DSCAM: variants seen among roughly 807,000 people sequenced by gnomAD.
DSCAM encodes the protein cell adhesion molecule DSCAM.
DSCAM carries 47 observed loss-of-function variants against 217.7 expected under a neutral mutation model. The observed-to-expected ratio is 0.22, with a 90% confidence interval of 0.17 to 0.28. DSCAM has a LOEUF of 0.28. Ranked by LOEUF, DSCAM falls within the 10% of genes least tolerant of loss-of-function variation. DSCAM has a pLI of 1.00. For synonymous variants in DSCAM, 1,056 were observed against 1,015.3 expected (o/e 1.04, Z -0.76); for missense variants, 2,080 against 2,618.3 (o/e 0.79, Z 4.49).
rs764303958 is a variant in DSCAM, at chr21:40,369,087, A to G, written c.655+12T>C. Reference sequence around the variant, plus strand: ...AGCAGACATAGCAGACAGAGTCTTGATAAGTTTTTACCTGATACAAAAAGT... The same window carrying G: ...AGCAGACATAGCAGACAGAGTCTTGGTAAGTTTTTACCTGATACAAAAAGT... On this transcript the variant is annotated intron_variant, in intron 4 of 32. Transcript: ENST00000400454. 10 of 1,597,750 alleles carry G rather than the reference A, an allele frequency of 6.3e-6. No individual in the cohort carries two copies. The Admixed American group carries it at 6.9e-5, about 11-fold the overall frequency.
intron 1 of DSCAM, among the ~76,000 whole-genome samples, chr21:40,778,822 T>C (rs1248893568): frequency 6.6e-6 from 1 of 151,816 alleles, no homozygotes; most frequent in South Asian, 2.1e-4. Flanking sequence ...GTCGGGGGTT[T>C]GAGACCAACC....
intron 20 of DSCAM, among the ~76,000 whole-genome samples, chr21:40,103,594 G>T (rs1263473941): frequency 6.6e-6 from 1 of 152,036 alleles, no homozygotes; most frequent in Non-Finnish European, 1.5e-5. Context: ...GGCATAGGTT[G>T]AGAGGCCAAC....
At chr21:40,496,722 T>C (rs1247096454) in intron 3 of DSCAM, among the ~76,000 whole-genome samples, 2 of 152,056 alleles carry the variant, frequency 1.3e-5, no homozygotes, top group African/African-American at 2.4e-5. Flanking sequence ...AATAAGAGAA[T>C]ATATTTTCAA....
intron 10 of DSCAM, among the ~76,000 whole-genome samples, chr21:40,290,230 A>AT (rs966922561): frequency 7.2e-5 from 11 of 152,196 alleles, no homozygotes; most frequent in African/African-American, 2.4e-4. Context: ...TGGGAAAAAT[A>AT]TTTTTTAAAA....
chr21:40,545,499 A>T (rs2076574851), intron 3 of DSCAM, among the ~76,000 whole-genome samples: 1 of 152,228 alleles, frequency 6.6e-6, no homozygotes, highest in African/African-American at 2.4e-5. Context: ...TCTGTGCTTT[A>T]ATAGTTTATA....
intron 1 of DSCAM, among the ~76,000 whole-genome samples, chr21:40,777,960 C>G (rs1274489806): frequency 6.6e-6 from 1 of 152,086 alleles, no homozygotes; most frequent in Non-Finnish European, 1.5e-5. Flanking sequence ...TCCAACAGCA[C>G]TAATGAAAGC....
intron 3 of DSCAM, among the ~76,000 whole-genome samples, chr21:40,495,137 T>A (rs570321207): frequency 1.3e-5 from 2 of 152,206 alleles, no homozygotes; most frequent in African/African-American, 4.8e-5. Context: ...GATGGCTTCA[T>A]TGATAAATTC....
intron 11 of DSCAM, chr21:40,212,336 C>T (rs2091193836): frequency 6.5e-6 from 1 of 154,206 alleles, no homozygotes; most frequent in African/African-American, 2.4e-5. Context: ...ACAGAGGCCT[C>T]ACCTTGAGAG....
chr21:40,217,141 A>C (rs73213104), intron 11 of DSCAM, among the ~76,000 whole-genome samples: 10,897 of 152,286 alleles, frequency 0.072, 695 homozygotes, highest in African/African-American at 0.17. Flanking sequence ...TTATATTTGA[A>C]GTCTCAGAAG....
intron 27 of DSCAM, among the ~76,000 whole-genome samples, chr21:40,066,208 T>C (rs2089204623): frequency 6.6e-6 from 1 of 152,248 alleles, no homozygotes; most frequent in Non-Finnish European, 1.5e-5. Context: ...CTTGGCCCTT[T>C]TGGGCACAGT....
At chr21:40,601,543 C>T (rs1030786737) in intron 3 of DSCAM, among the ~76,000 whole-genome samples, 2 of 152,138 alleles carry the variant, frequency 1.3e-5, no homozygotes, top group African/African-American at 4.8e-5. Context: ...ACTTCCAGCA[C>T]AATGTTGAAA....
chr21:40,047,013 T>A (rs1483137185), intron 30 of DSCAM, among the ~76,000 whole-genome samples: 1 of 151,998 alleles, frequency 6.6e-6, no homozygotes, highest in African/African-American at 2.4e-5. Flanking sequence ...ATTTTGTTCA[T>A]AATCTCTTTT....
intron 3 of DSCAM, among the ~76,000 whole-genome samples, chr21:40,529,379 A>C (rs2047776903): frequency 6.6e-6 from 1 of 152,140 alleles, no homozygotes; most frequent in African/African-American, 2.4e-5. Flanking sequence ...GTGGCCGTTA[A>C]ATAGTTTTAC....
intron 3 of DSCAM, among the ~76,000 whole-genome samples, chr21:40,678,158 C>A (rs1008141345): frequency 6.6e-6 from 1 of 152,082 alleles, no homozygotes; most frequent in Admixed American, 6.5e-5. Flanking sequence ...AAAAATAAGT[C>A]TTTGTAATTC....
intron 8 of DSCAM, among the ~76,000 whole-genome samples, chr21:40,313,622 GCTTTAC>G (rs1432004884): frequency 6.6e-6 from 1 of 152,028 alleles, no homozygotes; most frequent in Non-Finnish European, 1.5e-5. Context: ...GTTATTTATT[GCTTTAC>G]TTTGCAGATG....
intron 3 of DSCAM, among the ~76,000 whole-genome samples, chr21:40,481,530 CAAAAAAA>C (rs34586895): frequency 1.7e-5 from 1 of 60,510 alleles, no homozygotes; most frequent in African/African-American, 6.3e-5. Flanking sequence ...ACTCTGTCTC[CAAAAAAA>C]AAAAAAAAAA....
At chr21:40,172,307 T>G (rs941631771) in intron 15 of DSCAM, among the ~76,000 whole-genome samples, 2 of 152,228 alleles carry the variant, frequency 1.3e-5, no homozygotes, top group Non-Finnish European at 2.9e-5. Flanking sequence ...ACTCTGCATT[T>G]CTAAGAAATC....
chr21:40,471,965 C>G (rs1177818944), intron 3 of DSCAM, among the ~76,000 whole-genome samples: 1 of 152,062 alleles, frequency 6.6e-6, no homozygotes, highest in Non-Finnish European at 1.5e-5. Flanking sequence ...CACAACAGGC[C>G]CCGGTGTGTG....
intron 3 of DSCAM, among the ~76,000 whole-genome samples, chr21:40,421,176 G>A (rs1252452326): frequency 6.6e-6 from 1 of 152,168 alleles, no homozygotes; most frequent in Non-Finnish European, 1.5e-5. Flanking sequence ...GAGCCATGGA[G>A]AGGAGCTGGT....
Sources: allele counts gnomAD v4.1 joint callset (sites outside exome capture counted in the v4.1 genomes callset), GRCh38; gene constraint gnomAD v4.1.1; transcripts MANE v1.5; gene names NCBI Gene and HGNC (gene_info 2026-07-23, HGNC 2026-07-21).